ARHGAP15: variants seen among roughly 807,000 people sequenced by gnomAD.
ARHGAP15 encodes the protein rho GTPase-activating protein 15.
A neutral mutation model predicts 63.7 loss-of-function variants in ARHGAP15; 51 were observed. The ratio of observed to expected loss-of-function variants is 0.80; its 90% CI spans 0.64 to 1.01. The LOEUF is 1.01. Ranked by LOEUF, ARHGAP15 falls within the 50% of genes least tolerant of loss-of-function variation. The pLI, the probability that ARHGAP15 is intolerant of heterozygous loss-of-function variation, is 0.00. For missense variants in ARHGAP15, 560 were observed against 564.6 expected, an observed-to-expected ratio of 0.99 and a Z score of 0.08; for synonymous variants, 191 against 193.8, an observed-to-expected ratio of 0.99 and a Z score of 0.12.
intron 8 of ARHGAP15, among the ~76,000 whole-genome samples, chr2:143,468,832 T>C (rs1236981588): frequency 1.3e-5 from 2 of 152,150 alleles, no homozygotes; most frequent in African/African-American, 4.8e-5. Context: ...GCTAAATATA[T>C]GGCAATGAAG....
chr2:143,242,187 A>G (rs1021337455), intron 5 of ARHGAP15, among the ~76,000 whole-genome samples: 3 of 152,172 alleles, frequency 2.0e-5, no homozygotes, highest in African/African-American at 7.2e-5. Context: ...GAAGTGGTGG[A>G]AGGAGCCAAA....
chr2:143,457,845 T>C (rs973941738), intron 8 of ARHGAP15, among the ~76,000 whole-genome samples: 3 of 151,782 alleles, frequency 2.0e-5, no homozygotes, highest in African/African-American at 7.2e-5. Flanking sequence ...TTTAATAGTA[T>C]GCAACCAAAA....
Position 143,639,724 on chromosome 2 carries a change from C to T in ARHGAP15, c.1138+15457C>T, listed in dbSNP as rs1275447709. On this transcript the variant is annotated intron_variant, in intron 12 of 13. Coordinates refer to ENST00000295095, the MANE Select transcript of ARHGAP15 (RefSeq NM_018460.4). ...AAAAGGTGAAACTGCAGCAAAGTGT[C>T]ACTTCATCCCTCATGTCATGTGCCA... Among the ~76,000 whole-genome samples the T allele has an allele frequency of 2.0e-5, 3 of 152,196 alleles. No homozygotes were observed. In the East Asian group the frequency reaches 5.8e-4, roughly 29 times the overall value.
chr2:143,207,679 T>A (rs1692393876), intron 3 of ARHGAP15, among the ~76,000 whole-genome samples: 1 of 152,116 alleles, frequency 6.6e-6, no homozygotes, highest in African/African-American at 2.4e-5. Flanking sequence ...CTACTTGAAT[T>A]GAATTTCTTA....
chr2:143,623,057 C>A (rs944169465), intron 11 of ARHGAP15, among the ~76,000 whole-genome samples: 1 of 152,182 alleles, frequency 6.6e-6, no homozygotes, highest in Non-Finnish European at 1.5e-5. Flanking sequence ...TTTCAGTTAA[C>A]CCCCAGATTG....
intron 11 of ARHGAP15, among the ~76,000 whole-genome samples, chr2:143,567,166 C>A (rs183985834): frequency 6.6e-6 from 1 of 152,152 alleles, no homozygotes; most frequent in African/African-American, 2.4e-5. Flanking sequence ...TGAGCCACAG[C>A]GTGCTTCTTT....
At chr2:143,179,131 T>C (rs1691125504) in intron 2 of ARHGAP15, among the ~76,000 whole-genome samples, 2 of 152,222 alleles carry the variant, frequency 1.3e-5, no homozygotes, top group Admixed American at 1.3e-4. Flanking sequence ...TTTTTAAAAA[T>C]ACAGATTCCT....
intron 6 of ARHGAP15, among the ~76,000 whole-genome samples, chr2:143,340,210 C>T (rs973825877): frequency 6.6e-6 from 1 of 152,086 alleles, no homozygotes; most frequent in African/African-American, 2.4e-5. Flanking sequence ...ATTGGAATAA[C>T]GGTTTAAGCT....
intron 1 of ARHGAP15, among the ~76,000 whole-genome samples, chr2:143,141,771 A>C (rs1689376900): frequency 6.6e-6 from 1 of 152,168 alleles, no homozygotes; most frequent in African/African-American, 2.4e-5. Flanking sequence ...CTTAGATTTA[A>C]AAATAATGAA....
At chr2:143,733,687 A>G (rs1333885540) in intron 13 of ARHGAP15, among the ~76,000 whole-genome samples, 1 of 152,206 alleles carries the variant, frequency 6.6e-6, no homozygotes, top group Admixed American at 6.5e-5. Context: ...TTATTCAGAG[A>G]TTAAAAGAAT....
intron 4 of ARHGAP15, among the ~76,000 whole-genome samples, chr2:143,218,208 T>C (rs1692835185): frequency 6.6e-6 from 1 of 152,146 alleles, no homozygotes; most frequent in Non-Finnish European, 1.5e-5. Context: ...TCTGTTTTAT[T>C]ATTTCACTTT....
At chr2:143,539,956 A>C (rs891527496) in intron 10 of ARHGAP15, among the ~76,000 whole-genome samples, 1 of 151,986 alleles carries the variant, frequency 6.6e-6, no homozygotes, top group South Asian at 2.1e-4. Flanking sequence ...TGTCTCGTTG[A>C]TCTGTCTAAT....
chr2:143,219,079 C>T (rs1692883565), intron 4 of ARHGAP15, among the ~76,000 whole-genome samples: 2 of 152,280 alleles, frequency 1.3e-5, no homozygotes, highest in East Asian at 3.9e-4. Context: ...ACTTTGCCAT[C>T]GTTTATGTGT....
At chr2:143,443,464 C>T (rs922565087) in intron 8 of ARHGAP15, among the ~76,000 whole-genome samples, 4 of 151,066 alleles carry the variant, frequency 2.6e-5, no homozygotes, top group Non-Finnish European at 4.4e-5. Context: ...ACTAGCGCCA[C>T]TCTGGTACCA....
intron 13 of ARHGAP15, among the ~76,000 whole-genome samples, chr2:143,713,268 G>T (rs1373562722): frequency 6.6e-6 from 1 of 152,064 alleles, no homozygotes; most frequent in Non-Finnish European, 1.5e-5. Context: ...AGAAAACAAA[G>T]AAGAAGCAAA....
chr2:143,357,598 C>T (rs1286528622), intron 6 of ARHGAP15, among the ~76,000 whole-genome samples: 3 of 151,986 alleles, frequency 2.0e-5, no homozygotes, highest in Non-Finnish European at 4.4e-5. Flanking sequence ...AATGAGGCTA[C>T]TGGATCAAAT....
intron 8 of ARHGAP15, among the ~76,000 whole-genome samples, chr2:143,483,664 G>C (rs879338329): frequency 6.6e-6 from 1 of 152,204 alleles, no homozygotes; most frequent in Non-Finnish European, 1.5e-5. Context: ...TACATGACTG[G>C]TGGTCACTGC....
chr2:143,533,568 A>G (rs1194097118), intron 10 of ARHGAP15, among the ~76,000 whole-genome samples: 1 of 152,090 alleles, frequency 6.6e-6, no homozygotes, highest in African/African-American at 2.4e-5. Flanking sequence ...AGGTATCAAT[A>G]ATTTGTCTCC....
At chr2:143,752,448 G>C (rs890194612) in intron 13 of ARHGAP15, among the ~76,000 whole-genome samples, 8 of 152,244 alleles carry the variant, frequency 5.3e-5, no homozygotes, top group African/African-American at 1.9e-4. Flanking sequence ...CACCACCAGG[G>C]TGAGTTTTCA....
Sources: gnomAD v4.1 joint callset for allele counts (sites outside exome capture counted in the v4.1 genomes callset) on GRCh38, gnomAD v4.1.1 for gene constraint, MANE v1.5 for transcripts, NCBI Gene and HGNC (gene_info 2026-07-23, HGNC 2026-07-21) for gene names.